The following LY96 variants were observed in gnomAD, a reference collection of about 807,000 sequenced individuals.
The protein encoded by LY96 is myeloid differentiation protein-2.
In LY96, 18 loss-of-function variants were observed where a neutral mutation model predicts 18.9. The ratio of observed to expected loss-of-function variants is 0.95; its 90% confidence interval spans 0.66 to 1.41. The LOEUF (loss-of-function observed/expected upper bound fraction) is 1.41. Among genes scored for constraint, LY96 ranks in the 40% most tolerant of loss-of-function variants. The probability of loss-of-function intolerance (pLI) is 0.00; values close to 1 mark genes in which losing one functional copy is unlikely to be tolerated. For synonymous variants in LY96, 66 were observed against 62.6 expected, an observed-to-expected ratio of 1.06 and a Z score of -0.26; for missense variants, 175 against 182.4, an observed-to-expected ratio of 0.96 and a Z score of 0.23.
the LY96 span, among the ~76,000 whole-genome samples, chr8:74,082,884 G>A: frequency 6.6e-6 from 1 of 152,140 alleles, no homozygotes; most frequent in East Asian, 1.9e-4. Flanking sequence ...CAGAGGTAAG[G>A]ATGTTCCTTT....
intron 4 of LY96, among the ~76,000 whole-genome samples, chr8:74,027,938 C>A (rs1241863888): frequency 3.3e-5 from 5 of 151,972 alleles, no homozygotes; most frequent in Non-Finnish European, 5.9e-5. Flanking sequence ...TCCTTCAGAC[C>A]CCCAGTAAAC....
chr8:74,089,670 G>T, the LY96 span, among the ~76,000 whole-genome samples: 2 of 144,986 alleles, frequency 1.4e-5, no homozygotes, highest in African/African-American at 2.5e-5. Flanking sequence ...TTGCACTCTA[G>T]TTGTAGAAGA....
Position 73,996,372 on chromosome 8 carries a change from C to CATTTCTTT in LY96, c.112+4818_112+4819insATTTCTTT, listed in dbSNP as rs756373007. ...TCCTTCCTTCCTTCCTTCCTTCATT[C>CATTTCTTT]CTTTCTTTCTTTCTTTCTTTCTTTC... On this transcript the variant is annotated intron_variant, in intron 1 of 4. Coordinates refer to ENST00000284818, the MANE Select transcript of LY96 (RefSeq NM_015364.5). Among the ~76,000 whole-genome samples the CATTTCTTT allele has an allele frequency of 5.6e-3, 624 of 111,004 alleles. 14 individuals carry two copies. Among genetic ancestry groups the CATTTCTTT allele is most frequent in the Middle Eastern group, 9.3e-3 (2 of 216 alleles). The allele number at this position is 111,004 out of a possible 152,430, so 72.8% of individuals were successfully genotyped here. A position where few individuals can be genotyped will look rare whatever the true frequency, so the allele number is the denominator to read the frequency against.
the LY96 span, among the ~76,000 whole-genome samples, chr8:74,037,708 A>G: frequency 6.6e-6 from 1 of 152,208 alleles, no homozygotes; most frequent in Admixed American, 6.5e-5. Flanking sequence ...GAGTCATTCA[A>G]TCACCCAAGT....
At chr8:74,088,973 T>G in the LY96 span, among the ~76,000 whole-genome samples, 1 of 152,226 alleles carries the variant, frequency 6.6e-6, no homozygotes, top group Non-Finnish European at 1.5e-5. Flanking sequence ...TGGCATGGAT[T>G]GATCTTGCTG....
the LY96 span, among the ~76,000 whole-genome samples, chr8:74,058,920 C>T: frequency 1.6e-4 from 24 of 152,236 alleles, no homozygotes; most frequent in South Asian, 4.4e-3. Flanking sequence ...AAGCCAGTGA[C>T]GTAGTTCAAG....
intron 1 of LY96, among the ~76,000 whole-genome samples, chr8:74,004,449 C>A (rs879492432): frequency 3.9e-5 from 6 of 152,166 alleles, no homozygotes; most frequent in Non-Finnish European, 8.8e-5. Context: ...TGACACCACA[C>A]CAGGGTAATA....
At chr8:74,034,479 G>A in the LY96 span, among the ~76,000 whole-genome samples, 10 of 152,122 alleles carry the variant, frequency 6.6e-5, no homozygotes, top group Non-Finnish European at 1.3e-4. Context: ...TTGTTTTTGA[G>A]TGCAGATTGA....
chr8:74,024,615 G>A (rs940895366), intron 3 of LY96, among the ~76,000 whole-genome samples: 4 of 151,954 alleles, frequency 2.6e-5, no homozygotes, highest in Non-Finnish European at 5.9e-5. Flanking sequence ...TTTTACTGAG[G>A]CATAGAAAAA....
At chr8:74,000,785 G>A (rs1196021678) in intron 1 of LY96, among the ~76,000 whole-genome samples, 1 of 152,154 alleles carries the variant, frequency 6.6e-6, no homozygotes, top group Non-Finnish European at 1.5e-5. Context: ...TATGGTTCTG[G>A]TTGTTGAGAA....
chr8:74,018,768 C>T lies in LY96; in HGVS notation c.332-8021C>T, dbSNP rs990961270. 2.3e-4 allele frequency among the ~76,000 whole-genome samples: 35 copies of T among 152,188 alleles called. 1 individual carries two copies. The highest frequency in any genetic ancestry group is 1.8e-3 in the Admixed American group (28 of 15,274). ...CAAATTAGAACTCAGGATTAAGAAA[C>T]TCACTAAAAACTACACAACTACATG... On this transcript the variant is annotated intron_variant, in intron 3 of 4. Transcript: ENST00000284818.
the LY96 span, among the ~76,000 whole-genome samples, chr8:74,060,354 G>A: frequency 6.6e-6 from 1 of 152,178 alleles, no homozygotes; most frequent in Admixed American, 6.5e-5. Flanking sequence ...TAATGGGATA[G>A]GCAATAGGCC....
At chr8:74,045,130 T>C in the LY96 span, among the ~76,000 whole-genome samples, 1 of 152,230 alleles carries the variant, frequency 6.6e-6, no homozygotes, top group Non-Finnish European at 1.5e-5. Context: ...ATTCAAAATG[T>C]CTGTCCTGTG....
the LY96 span, among the ~76,000 whole-genome samples, chr8:74,040,570 G>A: frequency 6.6e-6 from 1 of 152,092 alleles, no homozygotes; most frequent in Non-Finnish European, 1.5e-5. Flanking sequence ...AGTTTTCCCA[G>A]CACCATTTAT....
chr8:74,044,965 A>C, the LY96 span, among the ~76,000 whole-genome samples: 1 of 152,138 alleles, frequency 6.6e-6, no homozygotes, highest in Non-Finnish European at 1.5e-5. Flanking sequence ...ACATTATACA[A>C]CCTCTGTGGT....
chr8:74,021,224 G>GA (rs1464219037), intron 3 of LY96, among the ~76,000 whole-genome samples: 8 of 152,078 alleles, frequency 5.3e-5, no homozygotes, highest in Admixed American at 6.6e-5. Flanking sequence ...AAATTTACAA[G>GA]AAAAAATCAA....
At chr8:74,074,180 A>G in the LY96 span, among the ~76,000 whole-genome samples, 1 of 151,922 alleles carries the variant, frequency 6.6e-6, no homozygotes, top group Non-Finnish European at 1.5e-5. Flanking sequence ...TTGTAGTTTT[A>G]GTAGAGACAG....
chr8:74,049,150 G>A, the LY96 span, among the ~76,000 whole-genome samples: 1 of 152,182 alleles, frequency 6.6e-6, no homozygotes, highest in Non-Finnish European at 1.5e-5. Flanking sequence ...AGCAGGAACC[G>A]TATGTGTTTT....
At chr8:74,028,340 A>C (rs574286066) in intron 4 of LY96, among the ~76,000 whole-genome samples, 26 of 152,126 alleles carry the variant, frequency 1.7e-4, no homozygotes, top group Non-Finnish European at 3.5e-4. Flanking sequence ...TCTAACATAC[A>C]TGGGCAAAAG....
Sources: allele counts gnomAD v4.1 joint callset (sites outside exome capture counted in the v4.1 genomes callset), GRCh38; gene constraint gnomAD v4.1.1; transcripts MANE v1.5; gene names NCBI Gene and HGNC (gene_info 2026-07-23, HGNC 2026-07-21).